Variants in GNA14 observed in about 807,000 individuals in gnomAD.
GNA14 encodes guanine nucleotide-binding protein subunit alpha-14.
GNA14 carries 50 observed loss-of-function variants against 42.0 expected under a neutral mutation model. That is an observed-to-expected ratio of 1.19 (90% confidence interval 0.95 to 1.51). The LOEUF (loss-of-function observed/expected upper bound fraction) is 1.51. Ranked by LOEUF, GNA14 falls within the 40% of genes most tolerant of loss-of-function variation. The probability of loss-of-function intolerance (pLI) is 0.00; values close to 1 mark genes in which losing one functional copy is unlikely to be tolerated. For missense variants in GNA14, 473 were observed against 446.2 expected (o/e 1.06, Z -0.54); for synonymous variants, 173 against 163.1 (o/e 1.06, Z -0.46).
At chr9:77,502,935 GC>G (rs1163632636) in intron 2 of GNA14, among the ~76,000 whole-genome samples, 1 of 152,118 alleles carries the variant, frequency 6.6e-6, no homozygotes, top group African/African-American at 2.4e-5. Flanking sequence ...CTTTGTTGGA[GC>G]TTTTTTGTCT....
chr9:77,643,925 T>C (rs1824309604), intron 1 of GNA14, among the ~76,000 whole-genome samples: 1 of 152,102 alleles, frequency 6.6e-6, no homozygotes, highest in Admixed American at 6.5e-5. Context: ...GCCCAGAGAA[T>C]TTAGTCCACA....
intron 1 of GNA14, among the ~76,000 whole-genome samples, chr9:77,563,642 A>C (rs1822918762): frequency 6.6e-6 from 1 of 152,176 alleles, no homozygotes; most frequent in African/African-American, 2.4e-5. Flanking sequence ...CAGAACATAG[A>C]AATAGGAGAA....
chr9:77,511,666 C>T (rs941594233), intron 2 of GNA14, among the ~76,000 whole-genome samples: 2 of 152,148 alleles, frequency 1.3e-5, no homozygotes, highest in Non-Finnish European at 2.9e-5. Flanking sequence ...CCCTCACAGC[C>T]CTCACTCACC....
chr9:77,603,956 C>CAAAAAAAAA (rs67044542), intron 1 of GNA14, among the ~76,000 whole-genome samples: 389 of 81,528 alleles, frequency 4.8e-3, no homozygotes, highest in Middle Eastern at 0.017. Context: ...AAAAAAAAAA[C>CAAAAAAAAA]AAAAAAAAAA....
At chr9:77,430,562 A>C (rs1835529932) in intron 4 of GNA14, among the ~76,000 whole-genome samples, 1 of 152,192 alleles carries the variant, frequency 6.6e-6, no homozygotes, top group African/African-American at 2.4e-5. Context: ...AGGGCTTCCC[A>C]AACACAGCAA....
At chr9:77,448,800 A>C (rs568680775) in intron 2 of GNA14, among the ~76,000 whole-genome samples, 7 of 152,338 alleles carry the variant, frequency 4.6e-5, no homozygotes, top group Non-Finnish European at 8.8e-5. Context: ...AGTCTTTTTA[A>C]GAATGATGGT....
At chr9:77,580,574 A>G in intron 1 of GNA14, 1 of 508,308 alleles carries the variant, frequency 2.0e-6, no homozygotes, top group Non-Finnish European at 3.8e-6. Flanking sequence ...AATATCAGTG[A>G]AGCTTGGGTT....
chr9:77,477,717 T>A (rs998595970), intron 2 of GNA14, among the ~76,000 whole-genome samples: 3 of 152,158 alleles, frequency 2.0e-5, no homozygotes, highest in African/African-American at 7.2e-5. Context: ...GCAGTGACAC[T>A]GTAGAAAACA....
At position 77,455,585 on chromosome 9, in the gene GNA14, T is replaced by C. The variant is rs182953565; in HGVS notation, c.310-21063A>G. On this transcript the variant is annotated intron_variant, in intron 2 of 6. Transcript: ENST00000341700. ...CTGGGGAGCAAAACTACCTCTTACTTTTCCCTCGGCTTATATTTTTAAAGT... is the reference window on the plus strand; with the variant it reads ...CTGGGGAGCAAAACTACCTCTTACTCTTCCCTCGGCTTATATTTTTAAAGT... Among the ~76,000 whole-genome samples the C allele has an allele frequency of 5.2e-4, 79 of 152,328 alleles. 1 individual carries two copies. The highest frequency in any genetic ancestry group is 6.8e-3 in the Middle Eastern group (2 of 294).
At chr9:77,472,807 T>A (rs1230240224) in intron 2 of GNA14, among the ~76,000 whole-genome samples, 2 of 151,460 alleles carry the variant, frequency 1.3e-5, no homozygotes, top group African/African-American at 4.9e-5. Flanking sequence ...TCTCTCTCTC[T>A]CTCTCTCTCT....
At position 77,593,165 on chromosome 9, in the gene GNA14, T is replaced by G. The variant is rs371694451; in HGVS notation, c.124+54505A>C. Among the ~76,000 whole-genome samples, 130 of 152,350 alleles carry G rather than the reference T, an allele frequency of 8.5e-4. 2 individuals are homozygous for G. In the South Asian group the frequency reaches 0.026, roughly 30 times the overall value. On this transcript the variant is annotated intron_variant, in intron 1 of 6. Coordinates refer to ENST00000341700, the MANE Select transcript of GNA14 (RefSeq NM_004297.4). ...TGATACTCTAATAAGAGATGTGTTA[T>G]AACTCTACACTTGGTTAGCACTTAA...
At chr9:77,457,165 G>A (rs1836015008) in intron 2 of GNA14, among the ~76,000 whole-genome samples, 1 of 152,222 alleles carries the variant, frequency 6.6e-6, no homozygotes, top group Non-Finnish European at 1.5e-5. Flanking sequence ...CTAATATGAA[G>A]GTAAGAACCC....
At chr9:77,625,579 T>C (rs918915833) in intron 1 of GNA14, among the ~76,000 whole-genome samples, 3 of 152,172 alleles carry the variant, frequency 2.0e-5, no homozygotes, top group African/African-American at 4.8e-5. Context: ...GGGACCAATA[T>C]TCAACATTTT....
intron 1 of GNA14, among the ~76,000 whole-genome samples, chr9:77,565,759 T>C (rs745827996): frequency 1.3e-4 from 20 of 150,292 alleles, no homozygotes; most frequent in Non-Finnish European, 2.8e-4. Context: ...TGCCCAGCAC[T>C]TTTTACTTTT....
intron 2 of GNA14, among the ~76,000 whole-genome samples, chr9:77,438,019 A>G (rs1241933011): frequency 6.6e-6 from 1 of 152,218 alleles, no homozygotes; most frequent in African/African-American, 2.4e-5. Context: ...GCAAGCTTCT[A>G]CATGAAAAAT....
At chr9:77,438,122 T>C (rs1405571366) in intron 2 of GNA14, among the ~76,000 whole-genome samples, 1 of 152,108 alleles carries the variant, frequency 6.6e-6, no homozygotes, top group African/African-American at 2.4e-5. Flanking sequence ...GAGGGGAATT[T>C]GGAGAATCTG....
intron 1 of GNA14, among the ~76,000 whole-genome samples, chr9:77,612,702 G>A (rs1263785489): frequency 1.3e-5 from 2 of 151,946 alleles, no homozygotes; most frequent in Non-Finnish European, 2.9e-5. Context: ...ATGAGGATGT[G>A]GAGAAAAGGG....
At chr9:77,583,871 A>G (rs1482301568) in intron 1 of GNA14, among the ~76,000 whole-genome samples, 1 of 152,202 alleles carries the variant, frequency 6.6e-6, no homozygotes, top group African/African-American at 2.4e-5. Flanking sequence ...CTGCTGGAGT[A>G]GCAAGGTCCT....
intron 2 of GNA14, among the ~76,000 whole-genome samples, chr9:77,481,310 A>G (rs1292865163): frequency 6.6e-6 from 1 of 152,202 alleles, no homozygotes; most frequent in Non-Finnish European, 1.5e-5. Context: ...TTATGTATCC[A>G]GTAGTCACTC....
Sources: allele counts gnomAD v4.1 joint callset (sites outside exome capture counted in the v4.1 genomes callset), GRCh38; gene constraint gnomAD v4.1.1; transcripts MANE v1.5; gene names NCBI Gene and HGNC (gene_info 2026-07-23, HGNC 2026-07-21).